Variants in AQP9 observed in about 807,000 individuals in gnomAD.
AQP9 encodes the protein aquaporin 9, also known as aquaporin-9.
Under a neutral mutation model 23.8 loss-of-function variants are expected in AQP9, and 19 were observed. That is an observed-to-expected ratio of 0.80 (90% CI 0.56 to 1.17). The LOEUF (loss-of-function observed/expected upper bound fraction) is 1.17, where lower values mean the gene tolerates loss of function less well. AQP9 is among the 50% of genes most tolerant of loss of function. AQP9 has a pLI of 0.00. For synonymous variants in AQP9, 153 were observed against 131.5 expected (o/e 1.16, Z -1.12); for missense variants, 413 against 362.0 (o/e 1.14, Z -1.14).
In AQP9 at chr15:58,168,201, G is replaced by A. The variant is rs113137085; in HGVS notation, c.238+1402G>A. 7.7e-3 allele frequency among the ~76,000 whole-genome samples: 1,151 copies of A among 150,306 alleles called. 19 individuals carry two copies. The highest frequency in any genetic ancestry group is 0.027 in the African/African-American group (1,107 of 40,802). On this transcript the variant is annotated intron_variant, in intron 2 of 5. Coordinates refer to ENST00000219919, the MANE Select transcript of AQP9 (RefSeq NM_020980.5). Reference sequence around the variant, plus strand: ...GAGCCACCACACCCAGCTAATTTTTGTATTTTTTTTGTAGAGACAGGGTCT... The same window carrying A: ...GAGCCACCACACCCAGCTAATTTTTATATTTTTTTTGTAGAGACAGGGTCT...
intron 1 of AQP9, 166 bp from the exon 2 acceptor site, chr15:58,166,507 A>T (rs1898507790): frequency 7.4e-6 from 6 of 806,016 alleles, no homozygotes; most frequent in Non-Finnish European, 1.1e-5. Flanking sequence ...CCTTGGGTCC[A>T]CCATTTTGCT....
At chr15:58,177,731 T>A (rs1898791097) in intron 4 of AQP9, among the ~76,000 whole-genome samples, 1 of 152,170 alleles carries the variant, frequency 6.6e-6, no homozygotes, top group Non-Finnish European at 1.5e-5. Flanking sequence ...ATAAAGCATA[T>A]GAAGTACCTG....
rs1472919409 is a variant in AQP9 at position 58,184,504 on chromosome 15, AC to A, written c.*372del. On this transcript the variant is annotated 3_prime_UTR_variant, in exon 6 of 6. Coordinates refer to ENST00000219919, the MANE Select transcript of AQP9 (RefSeq NM_020980.5). ...ATCTGTATGAAATGGTGTCACCAAAACCCTTTTCTTCAGTATCGACAAAGAT... is the reference window on the plus strand; with the variant it reads ...ATCTGTATGAAATGGTGTCACCAAAACCTTTTCTTCAGTATCGACAAAGAT... 2.9e-5 allele frequency: 5 copies of A among 170,246 alleles called. No individual in the cohort carries two copies. The highest frequency in any genetic ancestry group is 1.2e-4 in the African/African-American group (5 of 42,192). 10.5% of individuals were successfully genotyped at this position (170,246 alleles called of 1,614,324 possible).
At chr15:58,154,725 T>A (rs1319302618) in intron 1 of AQP9, among the ~76,000 whole-genome samples, 1 of 151,958 alleles carries the variant, frequency 6.6e-6, no homozygotes. Context: ...AATTAAAGAC[T>A]ATTAACCCCA....
In AQP9 at chr15:58,184,777, T is replaced by C. The variant is rs1467618945; in HGVS notation, c.*642T>C. 6.6e-6 allele frequency: 1 copy of C among 152,204 alleles called. No homozygotes were observed. The highest frequency in any genetic ancestry group is 2.4e-5 in the African/African-American group (1 of 41,432). 9.4% of individuals were successfully genotyped at this position (152,204 alleles called of 1,614,324 possible). On this transcript the variant is annotated 3_prime_UTR_variant, in exon 6 of 6. Transcript: ENST00000219919. ...GACAAGATGAATTTGAGAAGCCAAA[T>C]GGAATTTTTAATGGAAACCATTTAT...
At chr15:58,153,382 T>C (rs1203487180) in intron 1 of AQP9, 1 of 152,138 alleles carries the variant, frequency 6.6e-6, no homozygotes, top group Non-Finnish European at 1.5e-5. Flanking sequence ...CTTATCTGCT[T>C]CTACCCTTTA....
In AQP9 at chr15:58,166,739, A is replaced by G. The variant is rs1452564766; in HGVS notation, c.178A>G (p.Ile60Val). Residue 60 changes from isoleucine (I) to valine (V), a missense_variant, in exon 2 of 6, where the codon ATC (isoleucine) becomes GTC (valine). Physicochemically the swap from Ile to Val is conservative, Grantham distance 29. Transcript: ENST00000219919. ...SRGRFGGVIT[I>V]NVGFSMAVAM... Reference sequence around the variant, plus strand: ...AGGACGTTTTGGAGGGGTCATCACTATCAATGTTGGATTTTCAATGGCAGT... The same window carrying G: ...AGGACGTTTTGGAGGGGTCATCACTGTCAATGTTGGATTTTCAATGGCAGT... The G allele has an allele frequency of 9.9e-6, 16 of 1,613,868 alleles. No individual in the cohort carries two copies. The highest frequency in any genetic ancestry group is 1.3e-5 in the African/African-American group (1 of 74,924).
At chr15:58,171,850 A>ATCG (rs1898631776) in intron 2 of AQP9, among the ~76,000 whole-genome samples, 1 of 151,884 alleles carries the variant, frequency 6.6e-6, no homozygotes, top group Non-Finnish European at 1.5e-5. Context: ...CATCATCATC[A>ATCG]TCATCATCAT....
At position 58,138,529 on chromosome 15, in the gene AQP9, T is replaced by C; in HGVS notation, c.-37T>C. 1 of 1,549,698 alleles carries C rather than the reference T, an allele frequency of 6.5e-7. No individual in the cohort carries two copies. Among genetic ancestry groups the C allele is most frequent in the Non-Finnish European group, 8.9e-7 (1 of 1,125,640 alleles). On this transcript the variant is annotated 5_prime_UTR_variant, in exon 1 of 6. Transcript: ENST00000219919. ...GAAAGTGAGGACCACAACAGGTAGG[T>C]ATTGGTAGAAACAGGAGTCCTCAGA... is the stretch of plus-strand genomic sequence containing the variant.
chr15:58,178,087 A>C (rs1898797162), intron 4 of AQP9, among the ~76,000 whole-genome samples: 1 of 152,242 alleles, frequency 6.6e-6, no homozygotes, highest in Non-Finnish European at 1.5e-5. Flanking sequence ...GATGATTTAA[A>C]GTATACAGGA....
At chr15:58,166,837 G>T in intron 2 of AQP9, 38 bp downstream of exon 2, 1 of 1,607,708 alleles carries the variant, frequency 6.2e-7, no homozygotes, top group Non-Finnish European at 8.5e-7. Flanking sequence ...TCTTAATTCA[G>T]CCACTCCAAT....
At chr15:58,149,255 G>A (rs1269615149) in intron 1 of AQP9, among the ~76,000 whole-genome samples, 1 of 149,920 alleles carries the variant, frequency 6.7e-6, no homozygotes, top group Admixed American at 6.7e-5. Flanking sequence ...AGCAATATAG[G>A]TCTTGTATCA....
At chr15:58,178,463 T>A (rs908317110) in intron 4 of AQP9, among the ~76,000 whole-genome samples, 1 of 152,212 alleles carries the variant, frequency 6.6e-6, no homozygotes, top group African/African-American at 2.4e-5. Flanking sequence ...TTCTCAAACA[T>A]CCAGCAGCAT....
At chr15:58,138,736 G>C in intron 1 of AQP9, 60 bp downstream of exon 1, 2 of 1,420,498 alleles carry the variant, frequency 1.4e-6, no homozygotes, top group Non-Finnish European at 2.0e-6. Context: ...CTGCCAGGCT[G>C]GTAGTGGAGA....
intron 4 of AQP9, among the ~76,000 whole-genome samples, chr15:58,178,257 A>G (rs187371877): frequency 2.0e-5 from 3 of 152,286 alleles, no homozygotes; most frequent in African/African-American, 4.8e-5. Context: ...ACAAACAAAA[A>G]AATACAAATT....
At position 58,159,186 on chromosome 15, in the gene AQP9, T is replaced by A. The variant is rs16939822; in HGVS notation, c.112-7487T>A. Among the ~76,000 whole-genome samples the A allele has an allele frequency of 2.0e-5, 3 of 152,126 alleles. No homozygotes were observed. The South Asian group carries it at 6.2e-4, about 31-fold the overall frequency. On this transcript the variant is annotated intron_variant, in intron 1 of 5. Transcript: ENST00000219919. ...AATAAACAGCTTGTCACAGGGGTCA[T>A]GGCTCAGTTGAGAACTGCCCAGCAG...
At chr15:58,142,536 C>A (rs1295597417) in intron 1 of AQP9, among the ~76,000 whole-genome samples, 2 of 152,220 alleles carry the variant, frequency 1.3e-5, no homozygotes. Flanking sequence ...CAAACACATT[C>A]AAACCTCAGG....
chr15:58,163,355 T>C (rs1257744172), intron 1 of AQP9, among the ~76,000 whole-genome samples: 1 of 151,364 alleles, frequency 6.6e-6, no homozygotes, highest in Non-Finnish European at 1.5e-5. Context: ...AGAGGAGGAG[T>C]GCGTGGTGGA....
At chr15:58,183,928 G>C (rs1416676110) in intron 5 of AQP9, 33 bp from the exon 6 acceptor site, 35 of 1,610,936 alleles carry the variant, frequency 2.2e-5, no homozygotes, top group Non-Finnish European at 3.0e-5. Flanking sequence ...GGAAGGCCAA[G>C]AAATGTATCA....
Sources: gnomAD v4.1 joint callset for allele counts (sites outside exome capture counted in the v4.1 genomes callset) on GRCh38, gnomAD v4.1.1 for gene constraint, MANE v1.5 for transcripts, NCBI Gene and HGNC (gene_info 2026-07-23, HGNC 2026-07-21) for gene names.